Variants in EOLA1 observed in about 807,000 individuals in gnomAD.
EOLA1 encodes the protein endothelium and lymphocyte associated ASCH domain 1.
In EOLA1, 1 loss-of-function variant was observed where a neutral mutation model predicts 4.5. That is an observed-to-expected ratio of 0.22 (90% confidence interval 0.08 to 1.05). EOLA1 has a LOEUF of 1.05. EOLA1 is among the 50% of genes least tolerant of loss of function. EOLA1 has a pLI of 0.57. For synonymous variants in EOLA1, 37 were observed against 52.3 expected (o/e 0.71, Z 1.26); for missense variants, 69 against 127.2 (o/e 0.54, Z 2.20).
downstream of EOLA1, chrX:149,549,363 A>G: frequency 8.6e-7 from 1 of 1,158,246 alleles, no homozygotes; most frequent in South Asian, 2.0e-5. Flanking sequence ...AATGCTTTCT[A>G]CTTTACCATC....
At chrX:149,549,125 C>T (rs1389257213), downstream of EOLA1, among the ~76,000 whole-genome samples, 10 of 111,441 alleles carry the variant, frequency 9.0e-5, no homozygotes, top group African/African-American at 3.3e-4. Flanking sequence ...ACTGCAACCC[C>T]GTAGAGGTAA....
intron 2 of EOLA1, among the ~76,000 whole-genome samples, chrX:149,544,180 C>G (rs1219864922): frequency 1.8e-5 from 1 of 56,636 alleles, no homozygotes; most frequent in Non-Finnish European, 3.3e-5. Context: ...ACCCAGGGCC[C>G]GGAGTGAGCC....
rs1272243567 is a variant in EOLA1 at position 149,545,438 on chromosome X, C to T, written c.-92C>T. 7 of 1,087,398 alleles carry T rather than the reference C, an allele frequency of 6.4e-6. No individual in the cohort carries two copies. In the African/African-American group the frequency reaches 9.4e-5, roughly 15 times the overall value. 89.6% of individuals were successfully genotyped at this position (1,087,398 alleles called of 1,213,427 possible). A position where few individuals can be genotyped will look rare whatever the true frequency, so the allele number is the denominator to read the frequency against. ...GACCTGAGTCAGCCGAATCCCAGCC[C>T]CTTCCCTTGGGCCTGCTGTGGTGCT... On this transcript the variant is annotated 5_prime_UTR_variant, in exon 3 of 5. Transcript: ENST00000393985.
chrX:149,545,770 A>G lies in EOLA1; in HGVS notation c.140A>G (p.Asp47Gly). 1 of 1,211,938 alleles carries G rather than the reference A, an allele frequency of 8.3e-7. No individual in the cohort carries two copies. The highest frequency in any genetic ancestry group is 1.1e-6 in the Non-Finnish European group (1 of 895,433). ...ATCGCCGTCCACATTGCTCACAGGG[A>G]CTGGGAAGGCGATGCCTGGCGGGAG... is the stretch of plus-strand genomic sequence containing the variant. Reference protein sequence around the residue: ...CTIAVHIAHRDWEGDAWRELL... With the variant: ...CTIAVHIAHRGWEGDAWRELL... The change falls in exon 4 of 5, where the codon GAC (aspartate) becomes GGC (glycine). Residue 47 changes from aspartate to glycine, a missense_variant. Asp to Gly is a moderately conservative substitution (Grantham distance 94). Transcript: ENST00000393985.
chrX:149,541,803 C>A (rs2089734996), intron 1 of EOLA1: 19 of 754,111 alleles, frequency 2.5e-5, no homozygotes, highest in Non-Finnish European at 3.0e-5. Flanking sequence ...GCTGGTGCAC[C>A]CTGTGGTCCT....
At chrX:149,540,889 G>A, upstream of EOLA1, 1 of 113,018 alleles carries the variant, frequency 8.8e-6, no homozygotes, top group East Asian at 2.8e-4. Flanking sequence ...GATTCATAAT[G>A]TTTGCTGTCT....
In EOLA1 at chrX:149,546,991, C is replaced by G. The variant is rs782154220; in HGVS notation, c.*29C>G. The G allele has an allele frequency of 9.1e-6, 11 of 1,204,505 alleles. No homozygotes were observed. The South Asian group carries it at 2.0e-4, about 21-fold the overall frequency. ...GTGTGGGCTCCTGAAAGGAATGTTCCAGAGAAACCAGCTAAATCATGACAC... is the reference window on the plus strand; with the variant it reads ...GTGTGGGCTCCTGAAAGGAATGTTCGAGAGAAACCAGCTAAATCATGACAC... On this transcript the variant is annotated 3_prime_UTR_variant, in exon 5 of 5. Transcript: ENST00000393985.
chrX:149,545,733 C>T lies in EOLA1; in HGVS notation c.103C>T (p.Arg35Trp), dbSNP rs367826127. Residue 35 changes from arginine (R) to tryptophan (W), a missense_variant, in exon 4 of 5, where the codon CGG (arginine) becomes TGG (tryptophan). By Grantham distance (101) the Arg-to-Trp change is moderately radical. Coordinates refer to ENST00000393985, the MANE Select transcript of EOLA1 (RefSeq NM_001171907.3). ...CTGGCGTCCCCTGCTGAGCAGCCAGCGGAACTGTACCATCGCCGTCCACAT... is the reference window on the plus strand; with the variant it reads ...CTGGCGTCCCCTGCTGAGCAGCCAGTGGAACTGTACCATCGCCGTCCACAT... The part of the protein sequence containing the change: ...TRWRPLLSSQ[R>W]NCTIAVHIAH... 9.1e-6 allele frequency: 11 copies of T among 1,210,703 alleles called. No individual in the cohort carries two copies. Among genetic ancestry groups the T allele is most frequent in the Admixed American group, 8.7e-5 (4 of 45,940 alleles).
chrX:149,542,473 T>C (rs1220189072), intron 2 of EOLA1, among the ~76,000 whole-genome samples: 1 of 109,736 alleles, frequency 9.1e-6, no homozygotes, highest in Non-Finnish European at 1.9e-5. Context: ...GCATCTTAGA[T>C]GGGCGTGCCA....
At chrX:149,544,790 G>A (rs1346140827) in intron 2 of EOLA1, 1 of 735,387 alleles carries the variant, frequency 1.4e-6, no homozygotes, top group African/African-American at 2.4e-5. Flanking sequence ...CATAGAGTGG[G>A]CCTCACAGTA....
rs1557347462 is a variant in EOLA1 at position 149,545,390 on chromosome X, C to A, written c.-140C>A. 2 of 1,068,287 alleles carry A rather than the reference C, an allele frequency of 1.9e-6. No homozygotes were observed. The highest frequency in any genetic ancestry group is 2.4e-6 in the Non-Finnish European group (2 of 829,738). 88.0% of individuals were successfully genotyped at this position (1,068,287 alleles called of 1,213,427 possible). On this transcript the variant is annotated 5_prime_UTR_variant, in exon 3 of 5. Transcript: ENST00000393985. ...TAGCTGTCCCCGCCCTACTCCGGAC[C>A]GCCCCAAAGACTCCATGGGATGGAC...
rs1338065337 is a variant in EOLA1, at chrX:149,541,744, G to C, written c.-229-275G>C. The C allele has an allele frequency of 1.5e-5, 11 of 752,296 alleles. No homozygotes were observed. The African/African-American group carries it at 2.1e-4, about 14-fold the overall frequency. 62.0% of individuals were successfully genotyped at this position (752,296 alleles called of 1,213,427 possible). A position where few individuals can be genotyped will look rare whatever the true frequency, so the allele number is the denominator to read the frequency against. On this transcript the variant is annotated intron_variant, in intron 1 of 4. Transcript: ENST00000393985. Reference sequence around the variant, plus strand: ...TTCTCCCTTCGAATGGAGCATGCTTGGCTGCAAGAATGCTGCTCAACATGG... The same window carrying C: ...TTCTCCCTTCGAATGGAGCATGCTTCGCTGCAAGAATGCTGCTCAACATGG...
downstream of EOLA1, chrX:149,550,430 CT>C: frequency 1.1e-5 from 1 of 93,100 alleles, no homozygotes; most frequent in East Asian, 3.1e-4. Context: ...GGTAGCACCC[CT>C]CTTTTCCAAT....
intron 2 of EOLA1, chrX:149,544,537 G>A (rs2089798646): frequency 5.3e-6 from 4 of 752,358 alleles, no homozygotes; most frequent in Non-Finnish European, 4.7e-6. Context: ...GCCACGTACT[G>A]GGCTGGGTGC....
Position 149,541,251 on chromosome X carries a change from G to C in EOLA1, c.-322G>C, listed in dbSNP as rs1353743452. 1 of 113,731 alleles carries C rather than the reference G, an allele frequency of 8.8e-6. No individual in the cohort carries two copies. Among genetic ancestry groups the C allele is most frequent in the Admixed American group, 9.3e-5 (1 of 10,737 alleles). The allele number at this position is 113,731 out of a possible 1,213,427, so 9.4% of individuals were successfully genotyped here. On this transcript the variant is annotated 5_prime_UTR_variant, in exon 1 of 5. Transcript: ENST00000393985. ...GCCCTAGACACCCACGACTCGCAGG[G>C]TCCATGGTTCCGGAGGCCGTGAGAC...
chrX:149,547,172 C>T lies in EOLA1; in HGVS notation c.*210C>T. 1.1e-6 allele frequency: 1 copy of T among 932,405 alleles called. No homozygotes were observed. The highest frequency in any genetic ancestry group is 1.4e-6 in the Non-Finnish European group (1 of 716,190). The allele number at this position is 932,405 out of a possible 1,213,427, so 76.8% of individuals were successfully genotyped here. On this transcript the variant is annotated 3_prime_UTR_variant, in exon 5 of 5. Transcript: ENST00000393985. ...GGGTGGGGCTTTCCTTGTGTGATGC[C>T]TCCTTAGGCACACAGGCAATGTCTC...
rs1206024429 is a variant in EOLA1, at chrX:149,544,857, A to G, written c.-162-511A>G. 6 of 752,474 alleles carry G rather than the reference A, an allele frequency of 8.0e-6. No homozygotes were observed. The African/African-American group carries it at 1.4e-4, about 18-fold the overall frequency. 62.0% of individuals were successfully genotyped at this position (752,474 alleles called of 1,213,427 possible). On this transcript the variant is annotated intron_variant, in intron 2 of 4. Transcript: ENST00000393985. ...AATTTGATGATCCGAGGATCATGCC[A>G]TCCCAGAGGCTGGCACGTGGAAGGC...
chrX:149,544,724 A>G (rs1183188972), intron 2 of EOLA1: 17 of 750,435 alleles, frequency 2.3e-5, no homozygotes, highest in Non-Finnish European at 2.7e-5. Flanking sequence ...GCTGGGCAAG[A>G]GTTGTGGGAA....
At chrX:149,541,804 C>CTGTGGTCCT in intron 1 of EOLA1, 1 of 755,188 alleles carries the variant, frequency 1.3e-6, no homozygotes, top group African/African-American at 2.3e-5. Context: ...CTGGTGCACC[C>CTGTGGTCCT]TGTGGTCCTT....
Sources: allele counts gnomAD v4.1 joint callset (sites outside exome capture counted in the v4.1 genomes callset), GRCh38; gene constraint gnomAD v4.1.1; transcripts MANE v1.5; gene names NCBI Gene and HGNC (gene_info 2026-07-23, HGNC 2026-07-21).